Variants in GUCY1A2 observed in about 807,000 individuals in gnomAD.
The protein encoded by GUCY1A2 is guanylate cyclase soluble subunit alpha-2.
Under a neutral mutation model 63.5 loss-of-function variants are expected in GUCY1A2, and 27 were observed. That is an observed-to-expected ratio of 0.43 (90% CI 0.31 to 0.59). The LOEUF is 0.59. GUCY1A2 is among the 20% of genes least tolerant of loss of function. The pLI is 0.11. For missense variants in GUCY1A2, 768 were observed against 913.3 expected, an observed-to-expected ratio of 0.84 and a Z score of 2.05; for synonymous variants, 364 against 343.5, an observed-to-expected ratio of 1.06 and a Z score of -0.66.
At chr11:106,850,702 A>C (rs1859341736) in intron 4 of GUCY1A2, among the ~76,000 whole-genome samples, 1 of 151,662 alleles carries the variant, frequency 6.6e-6, no homozygotes, top group Non-Finnish European at 1.5e-5. Flanking sequence ...TTTTTATTTC[A>C]TTGTGTATAT....
intron 2 of GUCY1A2, among the ~76,000 whole-genome samples, chr11:106,979,040 C>G (rs984403139): frequency 1.3e-5 from 2 of 152,170 alleles, no homozygotes; most frequent in Non-Finnish European, 2.9e-5. Context: ...TTCATCAAGG[C>G]TAGTGATCTG....
At position 106,674,975 on chromosome 11, in the gene GUCY1A2, G is replaced by GAAGTGAGT. The variant is rs1279150991; in HGVS notation, c.*12566_*12573dup. 5 of 214,456 alleles carry GAAGTGAGT rather than the reference G, an allele frequency of 2.3e-5. No homozygotes were observed. Among genetic ancestry groups the GAAGTGAGT allele is most frequent in the Non-Finnish European group, 4.7e-5 (5 of 106,210 alleles). 13.3% of individuals were successfully genotyped at this position (214,456 alleles called of 1,614,324 possible). A position where few individuals can be genotyped will look rare whatever the true frequency, so the allele number is the denominator to read the frequency against. On this transcript the variant is annotated 3_prime_UTR_variant, in exon 8 of 8. Coordinates refer to ENST00000526355, the MANE Select transcript of GUCY1A2 (RefSeq NM_000855.3). ...GCATTGGCTGTTTATTTTATGCATT[G>GAAGTGAGT]AAGTGAGTATTAATAGGATTATTAC...
chr11:106,742,338 T>C (rs946970919), intron 6 of GUCY1A2, among the ~76,000 whole-genome samples: 2 of 152,174 alleles, frequency 1.3e-5, no homozygotes, highest in Non-Finnish European at 2.9e-5. Flanking sequence ...TCTCCCTCAT[T>C]CCACTCACTA....
chr11:106,736,166 G>A (rs1863585994), intron 6 of GUCY1A2, among the ~76,000 whole-genome samples: 1 of 151,862 alleles, frequency 6.6e-6, no homozygotes, highest in African/African-American at 2.4e-5. Flanking sequence ...TTTTGCTTTG[G>A]TCACCAGTGT....
intron 1 of GUCY1A2, among the ~76,000 whole-genome samples, chr11:106,996,106 C>T (rs1337137378): frequency 6.6e-6 from 1 of 152,162 alleles, no homozygotes; most frequent in Non-Finnish European, 1.5e-5. Flanking sequence ...AAACCAGTGG[C>T]AGAGAATTTG....
intron 6 of GUCY1A2, among the ~76,000 whole-genome samples, chr11:106,741,807 T>G (rs890134388): frequency 6.6e-6 from 1 of 152,216 alleles, no homozygotes; most frequent in African/African-American, 2.4e-5. Flanking sequence ...ATCATGAAGA[T>G]GATAGATTTT....
intron 7 of GUCY1A2, among the ~76,000 whole-genome samples, chr11:106,704,025 G>A (rs1211333355): frequency 6.6e-6 from 1 of 151,984 alleles, no homozygotes; most frequent in African/African-American, 2.4e-5. Context: ...TCATCAGTAA[G>A]GGACTTTTGT....
At chr11:106,872,192 C>T (rs1859688753) in intron 4 of GUCY1A2, among the ~76,000 whole-genome samples, 2 of 152,052 alleles carry the variant, frequency 1.3e-5, no homozygotes, top group Non-Finnish European at 1.5e-5. Context: ...AACCTTGTAA[C>T]ATAGGAATCA....
chr11:106,836,673 C>T (rs936009370), intron 4 of GUCY1A2, among the ~76,000 whole-genome samples: 22 of 151,862 alleles, frequency 1.4e-4, no homozygotes, highest in African/African-American at 4.6e-4. Context: ...TACTGTAATA[C>T]GCAATTTACT....
intron 3 of GUCY1A2, among the ~76,000 whole-genome samples, chr11:106,972,521 C>T (rs746106670): frequency 2.0e-5 from 3 of 151,840 alleles, no homozygotes; most frequent in Non-Finnish European, 2.9e-5. Context: ...CTAGTGATAG[C>T]GAAACAATGC....
intron 3 of GUCY1A2, among the ~76,000 whole-genome samples, chr11:106,940,554 T>G (rs1591335918): frequency 6.6e-6 from 1 of 152,172 alleles, no homozygotes; most frequent in East Asian, 1.9e-4. Flanking sequence ...AGTGGTACAT[T>G]TATTACAATC....
At chr11:107,014,909 C>CA (rs1363517914) in intron 1 of GUCY1A2, among the ~76,000 whole-genome samples, 2 of 151,984 alleles carry the variant, frequency 1.3e-5, no homozygotes, top group South Asian at 2.1e-4. Context: ...GGTTCAAAAA[C>CA]AAAAAAATGT....
chr11:106,880,516 C>T (rs1404920770), intron 4 of GUCY1A2, among the ~76,000 whole-genome samples: 1 of 152,080 alleles, frequency 6.6e-6, no homozygotes, highest in Non-Finnish European at 1.5e-5. Context: ...CTTTATCCAA[C>T]ACAGTGCTAT....
At chr11:107,010,784 G>A (rs1041468592) in intron 1 of GUCY1A2, among the ~76,000 whole-genome samples, 1 of 152,060 alleles carries the variant, frequency 6.6e-6, no homozygotes, top group African/African-American at 2.4e-5. Flanking sequence ...AGGCTGGAGT[G>A]CAGTGGCATG....
chr11:106,694,974 G>T (rs1160714579), intron 7 of GUCY1A2, among the ~76,000 whole-genome samples: 1 of 152,016 alleles, frequency 6.6e-6, no homozygotes, highest in Non-Finnish European at 1.5e-5. Flanking sequence ...GGATGTTTTA[G>T]ATTATCCTCC....
At chr11:106,841,242 C>T (rs1859192922) in intron 4 of GUCY1A2, among the ~76,000 whole-genome samples, 1 of 151,836 alleles carries the variant, frequency 6.6e-6, no homozygotes, top group Admixed American at 6.6e-5. Context: ...CCTCTATGAC[C>T]TGAATAACTT....
chr11:106,737,584 G>A (rs1227448229), intron 6 of GUCY1A2, among the ~76,000 whole-genome samples: 1 of 152,066 alleles, frequency 6.6e-6, no homozygotes. Context: ...GGTGTGTGAT[G>A]TCCCCTCCCT....
At chr11:106,831,200 A>T (rs1859045555) in intron 4 of GUCY1A2, among the ~76,000 whole-genome samples, 1 of 152,216 alleles carries the variant, frequency 6.6e-6, no homozygotes, top group Non-Finnish European at 1.5e-5. Context: ...AAAAAGTGCC[A>T]CATAAATCAT....
chr11:106,986,405 A>C (rs1326398725), intron 1 of GUCY1A2, among the ~76,000 whole-genome samples: 1 of 152,170 alleles, frequency 6.6e-6, no homozygotes, highest in Non-Finnish European at 1.5e-5. Flanking sequence ...AAGTTCAATA[A>C]AATACACATT....
Sources: gnomAD v4.1 joint callset for allele counts (sites outside exome capture counted in the v4.1 genomes callset) on GRCh38, gnomAD v4.1.1 for gene constraint, MANE v1.5 for transcripts, NCBI Gene and HGNC (gene_info 2026-07-23, HGNC 2026-07-21) for gene names.